ZNF385B: variants seen among roughly 807,000 people sequenced by gnomAD.
The protein encoded by ZNF385B is zinc finger protein 385B, also known as zinc finger protein 533.
A neutral mutation model predicts 39.2 loss-of-function variants in ZNF385B; 23 were observed. The ratio of observed to expected loss-of-function variants is 0.59; its 90% CI spans 0.42 to 0.83. The LOEUF (loss-of-function observed/expected upper bound fraction) is 0.83, where lower values mean the gene tolerates loss of function less well. ZNF385B is among the 40% of genes least tolerant of loss of function. The pLI, the probability that ZNF385B is intolerant of heterozygous loss-of-function variation, is 0.00. For synonymous variants in ZNF385B, 205 were observed against 222.6 expected (o/e 0.92, Z 0.70); for missense variants, 552 against 598.9 (o/e 0.92, Z 0.82).
At chr2:179,475,249 CA>C (rs1415988336) in intron 6 of ZNF385B, among the ~76,000 whole-genome samples, 6 of 134,644 alleles carry the variant, frequency 4.5e-5, no homozygotes, top group Non-Finnish European at 9.6e-5. Context: ...CATTATCGCA[CA>C]ATTTTTTTTT....
At chr2:179,595,685 G>C (rs929320419) in intron 3 of ZNF385B, among the ~76,000 whole-genome samples, 1 of 148,764 alleles carries the variant, frequency 6.7e-6, no homozygotes, top group Non-Finnish European at 1.5e-5. Flanking sequence ...GAGTGAAGTA[G>C]TATGATCACA....
At chr2:179,671,468 G>A (rs1055514865) in intron 3 of ZNF385B, among the ~76,000 whole-genome samples, 1 of 152,158 alleles carries the variant, frequency 6.6e-6, no homozygotes, top group Non-Finnish European at 1.5e-5. Context: ...GACAAAACAC[G>A]AAGGGTGTGG....
intron 3 of ZNF385B, among the ~76,000 whole-genome samples, chr2:179,548,870 A>T (rs971023825): frequency 6.7e-6 from 1 of 149,366 alleles, no homozygotes; most frequent in Non-Finnish European, 1.5e-5. Flanking sequence ...TTTGGGCTAA[A>T]CCAAATCAAT....
At chr2:179,793,941 T>C (rs192961055) in intron 1 of ZNF385B, among the ~76,000 whole-genome samples, 3 of 152,368 alleles carry the variant, frequency 2.0e-5, no homozygotes, top group Admixed American at 2.0e-4. Context: ...ATTATGTCAA[T>C]GTTAGCTATT....
intron 6 of ZNF385B, among the ~76,000 whole-genome samples, chr2:179,479,751 A>G (rs576159896): frequency 1.3e-5 from 2 of 152,054 alleles, no homozygotes; most frequent in African/African-American, 2.4e-5. Flanking sequence ...AGGCATGAGA[A>G]TTGCTTGAAT....
rs536430226 is a variant in ZNF385B, at chr2:179,673,125, T to C, written c.298+96378A>G. ...TAACCATAGTCCTACCCTTACATGG[T>C]TCAGGATTTAGATATTCACTATCTT... On this transcript the variant is annotated intron_variant, in intron 3 of 9. Coordinates refer to ENST00000410066, the MANE Select transcript of ZNF385B (RefSeq NM_152520.6). Among the ~76,000 whole-genome samples the C allele has an allele frequency of 4.6e-5, 7 of 152,152 alleles. No homozygotes were observed. The East Asian group carries it at 1.2e-3, about 25-fold the overall frequency.
rs533920222 is a variant in ZNF385B at position 179,800,195 on chromosome 2, A to C, written c.-154-29523T>G. Among the ~76,000 whole-genome samples, 805 of 152,228 alleles carry C rather than the reference A, an allele frequency of 5.3e-3. 10 individuals are homozygous for C. The highest frequency in any genetic ancestry group is 0.019 in the African/African-American group (776 of 41,576). On this transcript the variant is annotated intron_variant, in intron 1 of 9. Transcript: ENST00000410066. Reference sequence around the variant, plus strand: ...GAAATAAAATGTATCTATATTTTATATTAAGGGAAAATAAAACAATGAAAT... The same window carrying C: ...GAAATAAAATGTATCTATATTTTATCTTAAGGGAAAATAAAACAATGAAAT...
At chr2:179,693,220 G>A (rs1455211442) in intron 3 of ZNF385B, among the ~76,000 whole-genome samples, 2 of 152,116 alleles carry the variant, frequency 1.3e-5, no homozygotes, top group Non-Finnish European at 2.9e-5. Flanking sequence ...TCAGGATAAC[G>A]CACACTCATT....
At chr2:179,540,684 AC>A (rs1333137333) in intron 4 of ZNF385B, among the ~76,000 whole-genome samples, 14 of 152,134 alleles carry the variant, frequency 9.2e-5, no homozygotes, top group African/African-American at 3.4e-4. Context: ...TGTGTCAGAC[AC>A]CCATCATACT....
At chr2:179,733,944 T>G (rs2106434744) in intron 3 of ZNF385B, among the ~76,000 whole-genome samples, 1 of 152,244 alleles carries the variant, frequency 6.6e-6, no homozygotes, top group Admixed American at 6.5e-5. Flanking sequence ...GATCCCCTCC[T>G]CCTTCCCCCA....
chr2:179,790,286 C>T (rs923174385), intron 1 of ZNF385B, among the ~76,000 whole-genome samples: 1 of 152,192 alleles, frequency 6.6e-6, no homozygotes, highest in African/African-American at 2.4e-5. Flanking sequence ...CCCTGCACTA[C>T]CACTCAAGCT....
At chr2:179,666,488 C>A (rs1452945962) in intron 3 of ZNF385B, among the ~76,000 whole-genome samples, 2 of 152,102 alleles carry the variant, frequency 1.3e-5, no homozygotes, top group Non-Finnish European at 2.9e-5. Flanking sequence ...TACTTGCTTT[C>A]AAATGGAGAA....
chr2:179,579,142 T>G (rs2106025977), intron 3 of ZNF385B, among the ~76,000 whole-genome samples: 1 of 152,218 alleles, frequency 6.6e-6, no homozygotes, highest in South Asian at 2.1e-4. Context: ...TTTGTAGAAT[T>G]AGACTAATAG....
intron 6 of ZNF385B, among the ~76,000 whole-genome samples, chr2:179,458,318 CTT>C (rs996742116): frequency 1.3e-5 from 2 of 152,206 alleles, no homozygotes; most frequent in African/African-American, 4.8e-5. Flanking sequence ...CAAGCTCTCT[CTT>C]TACCTGCTGA....
chr2:179,653,957 A>AATC (rs1693465817), intron 3 of ZNF385B, among the ~76,000 whole-genome samples: 1 of 152,224 alleles, frequency 6.6e-6, no homozygotes, highest in Non-Finnish European at 1.5e-5. Context: ...AGAGATGCAC[A>AATC]ATGGTAAGGA....
At chr2:179,602,011 C>T (rs1282356910) in intron 3 of ZNF385B, among the ~76,000 whole-genome samples, 2 of 152,100 alleles carry the variant, frequency 1.3e-5, no homozygotes, top group African/African-American at 4.8e-5. Context: ...CAATTCTCAT[C>T]ACATTGATGG....
At chr2:179,573,840 T>C (rs1185669215) in intron 3 of ZNF385B, among the ~76,000 whole-genome samples, 1 of 152,144 alleles carries the variant, frequency 6.6e-6, no homozygotes. Flanking sequence ...TTGGATAAAG[T>C]CTTAATTTTT....
chr2:179,794,602 T>C (rs1008018044), intron 1 of ZNF385B, among the ~76,000 whole-genome samples: 3 of 152,182 alleles, frequency 2.0e-5, no homozygotes, highest in Non-Finnish European at 4.4e-5. Flanking sequence ...GTTTGATTCT[T>C]ACGATTTCTC....
chr2:179,514,822 A>C (rs969833558), intron 5 of ZNF385B, among the ~76,000 whole-genome samples: 11 of 149,598 alleles, frequency 7.4e-5, no homozygotes, highest in Non-Finnish European at 1.3e-4. Context: ...CTTATTGCTC[A>C]GGCTGGAGTG....
Sources: allele counts gnomAD v4.1 joint callset (sites outside exome capture counted in the v4.1 genomes callset), GRCh38; gene constraint gnomAD v4.1.1; transcripts MANE v1.5; gene names NCBI Gene and HGNC (gene_info 2026-07-23, HGNC 2026-07-21).